Variants in LYST observed in about 807,000 individuals in gnomAD.
LYST encodes lysosomal-trafficking regulator.
LYST carries 192 observed loss-of-function variants against 413.6 expected under a neutral mutation model. The observed-to-expected ratio is 0.46, with a 90% CI of 0.41 to 0.52. The LOEUF (loss-of-function observed/expected upper bound fraction) is 0.52. Among genes scored for constraint, LYST ranks in the 20% least tolerant of loss-of-function variants. The probability of loss-of-function intolerance (pLI) is 0.00; values close to 1 mark genes in which losing one functional copy is unlikely to be tolerated. For missense variants in LYST, 3,815 were observed against 4,499.9 expected (o/e 0.85, Z 4.35); for synonymous variants, 1,525 against 1,567.3 (o/e 0.97, Z 0.64).
chr1:235,729,525 A>C, intron 37 of LYST, 71 bp downstream of exon 37: 1 of 1,048,870 alleles, frequency 9.5e-7, no homozygotes, highest in Non-Finnish European at 1.5e-6. Context: ...CTGTCAAAAA[A>C]CACTTTAAAT....
chr1:235,712,343 T>C (rs1662463696), intron 42 of LYST, 146 bp from the exon 43 acceptor site: 3 of 625,426 alleles, frequency 4.8e-6, no homozygotes, highest in East Asian at 3.0e-5. Context: ...GTTATTCATG[T>C]TCTTGAAAAT....
intron 16 of LYST, among the ~76,000 whole-genome samples, chr1:235,778,857 T>C (rs1669575988): frequency 2.0e-5 from 3 of 151,866 alleles, no homozygotes; most frequent in Admixed American, 1.3e-4. Flanking sequence ...GAGGGTACCA[T>C]TTCTTGTCTT....
upstream of LYST, among the ~76,000 whole-genome samples, chr1:235,868,194 C>T (rs1680738992): frequency 6.6e-6 from 1 of 151,250 alleles, no homozygotes; most frequent in South Asian, 2.1e-4. Context: ...TTTTTTGAGA[C>T]AGATTCTCGC....
At chr1:235,701,425 C>T (rs1011644775) in intron 45 of LYST, among the ~76,000 whole-genome samples, 7 of 151,800 alleles carry the variant, frequency 4.6e-5, no homozygotes, top group African/African-American at 1.7e-4. Context: ...GCCAGGAGTT[C>T]GAGACCAGCC....
chr1:235,780,669 A>C (rs901577883), intron 16 of LYST, among the ~76,000 whole-genome samples, 196 bp downstream of exon 16: 9 of 151,994 alleles, frequency 5.9e-5, no homozygotes, highest in Admixed American at 2.6e-4. Flanking sequence ...GGAGATATAA[A>C]TATAAAGCCT....
chr1:235,871,101 C>T (rs571888268), upstream of LYST, among the ~76,000 whole-genome samples: 104 of 152,330 alleles, frequency 6.8e-4, 2 homozygotes, highest in Admixed American at 3.9e-4. Flanking sequence ...ACATCTTTTA[C>T]AATTGTGCGT....
At chr1:235,723,116 TA>T (rs1217197002) in intron 39 of LYST, among the ~76,000 whole-genome samples, 1 of 152,182 alleles carries the variant, frequency 6.6e-6, no homozygotes, top group African/African-American at 2.4e-5. Flanking sequence ...GAGTCTTGGA[TA>T]ATCTCAAGAG....
chr1:235,696,632 T>C (rs1220544271), intron 46 of LYST, among the ~76,000 whole-genome samples: 1 of 152,204 alleles, frequency 6.6e-6, no homozygotes, highest in Admixed American at 6.5e-5. Context: ...AGTGAGTCAG[T>C]ATGTGGGGAG....
At chr1:235,737,955 ACGT>A in intron 31 of LYST, 7 of 1,321,922 alleles carry the variant, frequency 5.3e-6, no homozygotes, top group East Asian at 2.9e-5. Context: ...CACCCGCCGG[ACGT>A]GCATTCTCGA....
intron 30 of LYST, among the ~76,000 whole-genome samples, chr1:235,742,456 GAAAA>G (rs980963372): frequency 4.5e-5 from 6 of 133,290 alleles, no homozygotes; most frequent in African/African-American, 1.7e-4. Flanking sequence ...CTCCATCTCA[GAAAA>G]AAAAAAAAAG....
At chr1:235,773,441 T>C (rs1176076470) in intron 19 of LYST, among the ~76,000 whole-genome samples, 1 of 152,174 alleles carries the variant, frequency 6.6e-6, no homozygotes, top group Non-Finnish European at 1.5e-5. Context: ...CAAAATGTGA[T>C]AAATATATAG....
chr1:235,760,705 A>C (rs1216363167), intron 22 of LYST, among the ~76,000 whole-genome samples: 1 of 152,180 alleles, frequency 6.6e-6, no homozygotes, highest in Non-Finnish European at 1.5e-5. Flanking sequence ...TTGCAGGTTA[A>C]AATTTGAGAC....
In LYST at chr1:235,661,225, T is replaced by A. The variant is rs1658026744; in HGVS notation, c.*1715A>T. 6.6e-6 allele frequency: 1 copy of A among 152,618 alleles called. No homozygotes were observed. Among genetic ancestry groups the A allele is most frequent in the Non-Finnish European group, 1.5e-5 (1 of 68,032 alleles). The allele number at this position is 152,618 out of a possible 1,614,324, so 9.5% of individuals were successfully genotyped here. ...TAATTTTTATTTTTACATAAAAATA[T>A]AATATTGCACTCTTAACAAGACCAG... is the stretch of plus-strand genomic sequence containing the variant. On this transcript the variant is annotated 3_prime_UTR_variant, in exon 53 of 53. Coordinates refer to ENST00000389793, the MANE Select transcript of LYST (RefSeq NM_000081.4).
At chr1:235,716,605 A>C in intron 41 of LYST, 107 bp downstream of exon 41, 1 of 709,352 alleles carries the variant, frequency 1.4e-6, no homozygotes, top group Non-Finnish European at 2.5e-6. Flanking sequence ...TCCTAGTACA[A>C]GAAGGTAAAA....
At chr1:235,717,406 T>A (rs887207705) in intron 40 of LYST, among the ~76,000 whole-genome samples, 1 of 152,220 alleles carries the variant, frequency 6.6e-6, no homozygotes, top group Non-Finnish European at 1.5e-5. Flanking sequence ...GTGTTCACAT[T>A]CTGTGAACAC....
At chr1:235,704,127 A>G (rs1572034345) in intron 44 of LYST, among the ~76,000 whole-genome samples, 1 of 152,300 alleles carries the variant, frequency 6.6e-6, no homozygotes, top group East Asian at 1.9e-4. Context: ...TGGTGTATAT[A>G]TACCACATTT....
intron 18 of LYST, among the ~76,000 whole-genome samples, chr1:235,774,465 T>C (rs1156427226): frequency 6.6e-6 from 1 of 152,200 alleles, no homozygotes; most frequent in Non-Finnish European, 1.5e-5. Context: ...AAATATATGA[T>C]GATAGCGGGA....
chr1:235,825,375 C>A (rs1178339715), intron 3 of LYST, among the ~76,000 whole-genome samples: 1 of 152,022 alleles, frequency 6.6e-6, no homozygotes. Flanking sequence ...AAATAAAAGG[C>A]ATACAAATTG....
intron 48 of LYST, among the ~76,000 whole-genome samples, chr1:235,682,864 C>T (rs1659931771): frequency 6.6e-6 from 1 of 152,154 alleles, no homozygotes; most frequent in South Asian, 2.1e-4. Context: ...CTCCAATTCA[C>T]TGAGTACAGA....
Sources: allele counts gnomAD v4.1 joint callset (sites outside exome capture counted in the v4.1 genomes callset), GRCh38; gene constraint gnomAD v4.1.1; transcripts MANE v1.5; gene names NCBI Gene and HGNC (gene_info 2026-07-23, HGNC 2026-07-21).